The following CPQ variants were observed in gnomAD, a reference collection of about 807,000 sequenced individuals.
CPQ encodes Ser-Met dipeptidase.
In CPQ, 37 loss-of-function variants were observed where a neutral mutation model predicts 45.7. The ratio of observed to expected loss-of-function variants is 0.81; its 90% CI spans 0.62 to 1.07. The LOEUF (loss-of-function observed/expected upper bound fraction) is 1.07. CPQ is among the 50% of genes least tolerant of loss of function. The pLI is 0.00. For synonymous variants in CPQ, 186 were observed against 205.8 expected (o/e 0.90, Z 0.82); for missense variants, 537 against 572.9 (o/e 0.94, Z 0.64).
intron 6 of CPQ, among the ~76,000 whole-genome samples, chr8:97,033,516 G>A (rs1048023240): frequency 1.3e-5 from 2 of 152,002 alleles, no homozygotes; most frequent in Non-Finnish European, 2.9e-5. Flanking sequence ...TTTCTCGTTT[G>A]TATGACCTAA....
intron 7 of CPQ, among the ~76,000 whole-genome samples, chr8:97,132,273 G>A (rs1389398416): frequency 6.6e-6 from 1 of 152,048 alleles, no homozygotes; most frequent in Non-Finnish European, 1.5e-5. Context: ...GAACCAGCTG[G>A]CCCCCAATAC....
chr8:96,950,244 A>ATTT (rs1586463315), intron 4 of CPQ, among the ~76,000 whole-genome samples: 1 of 152,108 alleles, frequency 6.6e-6, no homozygotes, highest in East Asian at 1.9e-4. Context: ...TAAAATTGTA[A>ATTT]AGGTCAGGGG....
chr8:96,976,628 C>G (rs560405996), intron 5 of CPQ, among the ~76,000 whole-genome samples: 1 of 152,212 alleles, frequency 6.6e-6, no homozygotes, highest in South Asian at 2.1e-4. Context: ...ACCAAAACAG[C>G]ATGGTACTGG....
chr8:96,649,740 C>T (rs543281082), intron 1 of CPQ, among the ~76,000 whole-genome samples: 1 of 152,276 alleles, frequency 6.6e-6, no homozygotes, highest in South Asian at 2.1e-4. Flanking sequence ...CCAAACATTA[C>T]AATAGGGCCT....
intron 6 of CPQ, among the ~76,000 whole-genome samples, chr8:97,038,635 G>A (rs74528658): frequency 6.6e-6 from 1 of 151,904 alleles, no homozygotes; most frequent in East Asian, 1.9e-4. Flanking sequence ...TATTTTATTT[G>A]GCCTGAAGTT....
chr8:96,785,474 C>G, intron 2 of CPQ, 144 bp downstream of exon 2: 1 of 679,718 alleles, frequency 1.5e-6, no homozygotes, highest in Non-Finnish European at 2.3e-6. Context: ...CTTTTTTGTC[C>G]TCCCATTTTT....
intron 1 of CPQ, among the ~76,000 whole-genome samples, chr8:96,723,232 T>C (rs1237426752): frequency 1.3e-5 from 2 of 152,174 alleles, no homozygotes; most frequent in Non-Finnish European, 2.9e-5. Flanking sequence ...TTTTTAAAAA[T>C]TGGATTTTAT....
intron 5 of CPQ, among the ~76,000 whole-genome samples, chr8:97,020,990 C>A (rs1469122196): frequency 6.6e-6 from 1 of 152,016 alleles, no homozygotes; most frequent in African/African-American, 2.4e-5. Context: ...ACTAGCTAAC[C>A]AAATCCAACA....
At chr8:97,014,050 A>G (rs1809536691) in intron 5 of CPQ, among the ~76,000 whole-genome samples, 1 of 152,130 alleles carries the variant, frequency 6.6e-6, no homozygotes. Context: ...GTGATAAGGG[A>G]TGATTAAAGG....
chr8:97,127,266 C>CTTGTCTTGAG (rs1234608423), intron 7 of CPQ, among the ~76,000 whole-genome samples: 2 of 152,112 alleles, frequency 1.3e-5, no homozygotes, highest in African/African-American at 4.8e-5. Context: ...TGACAAAGGA[C>CTTGTCTTGAG]TTGTAACTCT....
intron 1 of CPQ, among the ~76,000 whole-genome samples, chr8:96,745,337 A>T (rs1397671919): frequency 6.6e-6 from 1 of 152,090 alleles, no homozygotes; most frequent in African/African-American, 2.4e-5. Context: ...GGAACTGGAG[A>T]TGGTAAGTGG....
At chr8:96,922,081 T>C (rs1015776746) in intron 4 of CPQ, among the ~76,000 whole-genome samples, 26 of 152,308 alleles carry the variant, frequency 1.7e-4, no homozygotes, top group South Asian at 4.1e-4. Flanking sequence ...TTTTTAAAAT[T>C]GTCTTTTAAA....
intron 5 of CPQ, among the ~76,000 whole-genome samples, chr8:96,969,478 G>T (rs1813624906): frequency 6.6e-6 from 1 of 151,434 alleles, no homozygotes; most frequent in African/African-American, 2.4e-5. Context: ...AAATTACTTT[G>T]GGCACCTGGT....
chr8:97,073,217 C>T (rs1586527178), intron 7 of CPQ, among the ~76,000 whole-genome samples: 1 of 152,172 alleles, frequency 6.6e-6, no homozygotes, highest in African/African-American at 2.4e-5. Flanking sequence ...CTGCCCAATA[C>T]CTCATATGGC....
intron 1 of CPQ, among the ~76,000 whole-genome samples, chr8:96,700,257 A>G (rs1809439252): frequency 6.6e-6 from 1 of 152,032 alleles, no homozygotes; most frequent in African/African-American, 2.4e-5. Context: ...TAGACAATGG[A>G]CCGCAGGTAA....
In CPQ at chr8:97,118,227, T is replaced by C. The variant is rs1811628672; in HGVS notation, c.1256-24793T>C. ...ACTACAGTGGAATACTATTATTATA[T>C]CTACTTATGCCTTTTTTTCTGGAAA... On this transcript the variant is annotated intron_variant, in intron 7 of 7. Transcript: ENST00000220763. Among the ~76,000 whole-genome samples the C allele has an allele frequency of 2.0e-5, 3 of 152,192 alleles. No individual in the cohort carries two copies. The South Asian group carries it at 6.2e-4, about 32-fold the overall frequency.
intron 6 of CPQ, among the ~76,000 whole-genome samples, chr8:97,038,082 A>G (rs182776767): frequency 2.6e-5 from 4 of 152,364 alleles, no homozygotes; most frequent in East Asian, 1.9e-4. Context: ...GTTTAATTCA[A>G]TGCCTTATGG....
intron 5 of CPQ, among the ~76,000 whole-genome samples, chr8:96,982,924 A>G (rs1391078800): frequency 6.6e-6 from 1 of 152,232 alleles, no homozygotes; most frequent in Non-Finnish European, 1.5e-5. Flanking sequence ...TTAAACTAAG[A>G]AATATTTCAA....
chr8:97,076,708 G>A (rs1419942229), intron 7 of CPQ, among the ~76,000 whole-genome samples: 6 of 152,048 alleles, frequency 3.9e-5, no homozygotes, highest in Admixed American at 3.9e-4. Context: ...TTTTTTAGCG[G>A]GGGAGAGGGA....
Sources: gnomAD v4.1 joint callset for allele counts (sites outside exome capture counted in the v4.1 genomes callset) on GRCh38, gnomAD v4.1.1 for gene constraint, MANE v1.5 for transcripts, NCBI Gene and HGNC (gene_info 2026-07-23, HGNC 2026-07-21) for gene names.